PISD: variants seen among roughly 807,000 people sequenced by gnomAD.
PISD encodes the protein phosphatidylserine decarboxylase proenzyme, mitochondrial.
Under a neutral mutation model 43.5 loss-of-function variants are expected in PISD, and 31 were observed. The ratio of observed to expected loss-of-function variants is 0.71; its 90% CI spans 0.54 to 0.96. The LOEUF (loss-of-function observed/expected upper bound fraction) is 0.96. Among genes scored for constraint, PISD ranks in the 40% least tolerant of loss-of-function variants. The probability of loss-of-function intolerance (pLI) is 0.00; values close to 1 mark genes in which losing one functional copy is unlikely to be tolerated. For synonymous variants in PISD, 259 were observed against 228.7 expected (o/e 1.13, Z -1.20); for missense variants, 523 against 548.4 (o/e 0.95, Z 0.46).
chr22:31,655,091 A>G (rs920121062), intron 1 of PISD, among the ~76,000 whole-genome samples: 1 of 151,080 alleles, frequency 6.6e-6, no homozygotes, highest in South Asian at 2.1e-4. Context: ...AAAAAAAAAA[A>G]AAAAAAAAAG....
rs2072365832 is a variant in PISD, at chr22:31,619,601, G to C, written c.*11C>G. ...AAAGATCCCTTAGCAGCCATAATCAGGAAAGAGACTCTAGAGCGAGCCCAG... is the reference window on the plus strand; with the variant it reads ...AAAGATCCCTTAGCAGCCATAATCACGAAAGAGACTCTAGAGCGAGCCCAG... On this transcript the variant is annotated 3_prime_UTR_variant, in exon 8 of 8. Coordinates refer to ENST00000439502, the MANE Select transcript of PISD (RefSeq NM_001326411.2). The C allele has an allele frequency of 2.5e-6, 4 of 1,606,430 alleles. No homozygotes were observed. Among genetic ancestry groups the C allele is most frequent in the African/African-American group, 1.3e-5 (1 of 74,826 alleles).
intron 1 of PISD, among the ~76,000 whole-genome samples, chr22:31,657,850 C>T (rs1160565108): frequency 6.6e-6 from 1 of 152,136 alleles, no homozygotes; most frequent in African/African-American, 2.4e-5. Context: ...CATTAACCAT[C>T]CCCATTTCTT....
chr22:31,626,177 C>A (rs886185895), intron 3 of PISD: 22 of 468,360 alleles, frequency 4.7e-5, no homozygotes, highest in African/African-American at 4.5e-4. Context: ...CACTGCTCAT[C>A]CTCTTCCTCA....
At chr22:31,622,501 G>A (rs1031436600) in intron 3 of PISD, among the ~76,000 whole-genome samples, 5 of 152,214 alleles carry the variant, frequency 3.3e-5, no homozygotes, top group Admixed American at 2.6e-4. Flanking sequence ...GGTCCAGCCA[G>A]CACTCTTGAG....
chr22:31,642,638 C>T (rs1367792814), intron 3 of PISD, among the ~76,000 whole-genome samples: 1 of 149,842 alleles, frequency 6.7e-6, no homozygotes, highest in Non-Finnish European at 1.5e-5. Context: ...ACTAAAAATA[C>T]AAAAATTAGC....
chr22:31,643,102 C>CAAAA (rs79749046), intron 3 of PISD, among the ~76,000 whole-genome samples: 1 of 60,554 alleles, frequency 1.7e-5, no homozygotes, highest in South Asian at 5.7e-4. Context: ...AATGCCATCT[C>CAAAA]AAAAAAAAAA....
intron 2 of PISD, among the ~76,000 whole-genome samples, chr22:31,650,281 C>T (rs578033946): frequency 2.2e-4 from 34 of 152,226 alleles, no homozygotes; most frequent in Admixed American, 5.2e-4. Context: ...AGTTTGAGAC[C>T]AGCCTGGGCA....
chr22:31,655,410 GGC>G (rs1221292852), intron 1 of PISD, among the ~76,000 whole-genome samples: 1 of 151,706 alleles, frequency 6.6e-6, no homozygotes, highest in Non-Finnish European at 1.5e-5. Flanking sequence ...CAAATTTCTG[GGC>G]TCAAGGCATC....
chr22:31,624,712 G>GACACACACACACAC (rs55946723), intron 3 of PISD, among the ~76,000 whole-genome samples: 22 of 111,990 alleles, frequency 2.0e-4, no homozygotes, highest in African/African-American at 5.7e-4. Flanking sequence ...AGCAAAGGTG[G>GACACACACACACAC]ACACACACAC....
At chr22:31,623,980 G>A (rs1603396682) in intron 3 of PISD, 1 of 768,860 alleles carries the variant, frequency 1.3e-6, no homozygotes, top group African/African-American at 1.7e-5. Flanking sequence ...TCTCCATGGG[G>A]GTGATGGAGC....
Position 31,618,538 on chromosome 22 carries a change from A to T in PISD, c.*1074T>A. 5.7e-6 allele frequency: 6 copies of T among 1,052,680 alleles called. No homozygotes were observed. The South Asian group carries it at 1.2e-4, about 21-fold the overall frequency. 65.2% of individuals were successfully genotyped at this position (1,052,680 alleles called of 1,614,324 possible). ...TTCAAAATGCTTTGCAATTAAATGAATTACTGTTCAGAAGTCTCCCACTTT... is the reference window on the plus strand; with the variant it reads ...TTCAAAATGCTTTGCAATTAAATGATTTACTGTTCAGAAGTCTCCCACTTT... On this transcript the variant is annotated 3_prime_UTR_variant, in exon 8 of 8. Coordinates refer to ENST00000439502, the MANE Select transcript of PISD (RefSeq NM_001326411.2).
chr22:31,621,025 C>A lies in PISD; in HGVS notation c.815G>T (p.Trp272Leu). The A allele has an allele frequency of 6.2e-7, 1 of 1,613,784 alleles. No individual in the cohort carries two copies. The highest frequency in any genetic ancestry group is 8.5e-7 in the Non-Finnish European group (1 of 1,179,830). Residue 272 changes from tryptophan to leucine, a missense_variant, in exon 6 of 8, where the codon TGG (tryptophan) becomes TTG (leucine). Physicochemically the swap from Trp to Leu is moderately conservative, Grantham distance 61. Transcript: ENST00000439502. ...GAAGTGGCGCCGGTGGGACACAGTC[C>A]AGTCGGTGGGGGAGTGGAAGCAGTG... ...DYHCFHSPTD[W>L]TVSHRRHFPG...
intron 3 of PISD, among the ~76,000 whole-genome samples, chr22:31,646,791 G>C (rs1179025059): frequency 6.6e-6 from 1 of 152,084 alleles, no homozygotes; most frequent in Non-Finnish European, 1.5e-5. Context: ...GGGAACAGAG[G>C]GCAGCATACT....
rs191537502 is a variant in PISD at position 31,645,962 on chromosome 22, T to C, written c.321+2139A>G. Among the ~76,000 whole-genome samples, 47 of 151,548 alleles carry C rather than the reference T, an allele frequency of 3.1e-4. No homozygotes were observed. In the East Asian group the frequency reaches 7.9e-3, roughly 26 times the overall value. Reference sequence around the variant, plus strand: ...CAAGTTATCTCAGTATATATATATATACAAATATTGAAAAATCCAAAAAAA... The same window carrying C: ...CAAGTTATCTCAGTATATATATATACACAAATATTGAAAAATCCAAAAAAA... On this transcript the variant is annotated intron_variant, in intron 3 of 7. Transcript: ENST00000439502.
chr22:31,659,213 C>T (rs897859681), intron 1 of PISD, among the ~76,000 whole-genome samples: 1 of 152,088 alleles, frequency 6.6e-6, no homozygotes, highest in African/African-American at 2.4e-5. Flanking sequence ...CTTATGTCTC[C>T]CTTGCTTTCT....
At chr22:31,653,542 G>A (rs1447391620) in intron 1 of PISD, among the ~76,000 whole-genome samples, 3 of 152,202 alleles carry the variant, frequency 2.0e-5, no homozygotes, top group African/African-American at 7.2e-5. Context: ...TTCCCCCTCA[G>A]GAACCCTGCC....
chr22:31,645,577 C>T (rs2073861124), intron 3 of PISD, among the ~76,000 whole-genome samples: 1 of 144,388 alleles, frequency 6.9e-6, no homozygotes. Flanking sequence ...GGGGTTTCAC[C>T]ATGTTGGCCA....
At chr22:31,628,880 C>T in intron 3 of PISD, 1 of 985,464 alleles carries the variant, frequency 1.0e-6, no homozygotes, top group Non-Finnish European at 1.2e-6. Context: ...CAACCTCACA[C>T]TCCGGTGGGG....
intron 2 of PISD, among the ~76,000 whole-genome samples, chr22:31,650,350 T>C (rs529256345): frequency 6.6e-6 from 1 of 151,968 alleles, no homozygotes; most frequent in African/African-American, 2.4e-5. Context: ...GCACACAGTC[T>C]TTGAAATATT....
Sources: gnomAD v4.1 joint callset for allele counts (sites outside exome capture counted in the v4.1 genomes callset) on GRCh38, gnomAD v4.1.1 for gene constraint, MANE v1.5 for transcripts, NCBI Gene and HGNC (gene_info 2026-07-23, HGNC 2026-07-21) for gene names.